The following SHANK2 variants were observed in gnomAD, a reference collection of about 807,000 sequenced individuals.
SHANK2 encodes SH3 and multiple ankyrin repeat domains protein 2.
A neutral mutation model predicts 133.7 loss-of-function variants in SHANK2; 43 were observed. The ratio of observed to expected loss-of-function variants is 0.32; its 90% CI spans 0.25 to 0.41. The LOEUF (loss-of-function observed/expected upper bound fraction) is 0.41. Ranked by LOEUF, SHANK2 falls within the 10% of genes least tolerant of loss-of-function variation. The pLI, the probability that SHANK2 is intolerant of heterozygous loss-of-function variation, is 1.00. For synonymous variants in SHANK2, 1,017 were observed against 952.8 expected, an observed-to-expected ratio of 1.07 and a Z score of -1.24; for missense variants, 1,994 against 2,235.8, an observed-to-expected ratio of 0.89 and a Z score of 2.18.
chr11:71,202,452 T>C (rs1555117286), intron 2 of SHANK2, among the ~76,000 whole-genome samples: 2 of 152,094 alleles, frequency 1.3e-5, no homozygotes, highest in Non-Finnish European at 2.9e-5. Context: ...GTCAGAGAGG[T>C]GAGGGTACTC....
intron 11 of SHANK2, among the ~76,000 whole-genome samples, chr11:70,855,633 G>A (rs149407356): frequency 2.4e-4 from 36 of 152,206 alleles, no homozygotes; most frequent in Non-Finnish European, 4.4e-4. Context: ...AAGAGGTAAC[G>A]CTAAACCAGC....
intron 6 of SHANK2, among the ~76,000 whole-genome samples, chr11:71,106,709 T>C (rs1951806801): frequency 6.6e-6 from 1 of 151,810 alleles, no homozygotes; most frequent in South Asian, 2.1e-4. Flanking sequence ...GTCCCAGCTA[T>C]TCAAGAGGCT....
chr11:71,113,403 A>G (rs957019248), intron 4 of SHANK2, 39 bp from the exon 5 acceptor site: 4 of 1,532,050 alleles, frequency 2.6e-6, no homozygotes, highest in African/African-American at 1.4e-5. Flanking sequence ...AAACAAGTCA[A>G]TACTTCTCAG....
intron 14 of SHANK2, among the ~76,000 whole-genome samples, chr11:70,700,047 TTAC>T (rs1344665050): frequency 3.3e-5 from 5 of 152,176 alleles, no homozygotes; most frequent in Non-Finnish European, 5.9e-5. Flanking sequence ...CCCTGGACTC[TTAC>T]GTAAGCAAGA....
intron 15 of SHANK2, among the ~76,000 whole-genome samples, chr11:70,678,032 C>T (rs1591739300): frequency 6.6e-6 from 1 of 152,338 alleles, no homozygotes; most frequent in East Asian, 1.9e-4. Flanking sequence ...AAGACAACCC[C>T]TTGCACCAAT....
chr11:70,580,759 G>A (rs1288007025), intron 17 of SHANK2, among the ~76,000 whole-genome samples: 1 of 152,264 alleles, frequency 6.6e-6, no homozygotes, highest in Admixed American at 6.5e-5. Context: ...GGAACAGCGA[G>A]GCCAGCAGGC....
chr11:71,246,711 A>G (rs1310401016), intron 1 of SHANK2, among the ~76,000 whole-genome samples: 2 of 152,160 alleles, frequency 1.3e-5, no homozygotes, highest in African/African-American at 4.8e-5. Flanking sequence ...GCTCTTTTAC[A>G]TAAGAAAGGC....
At chr11:70,686,589 T>C (rs1486179382) in intron 15 of SHANK2, among the ~76,000 whole-genome samples, 1 of 152,162 alleles carries the variant, frequency 6.6e-6, no homozygotes, top group African/African-American at 2.4e-5. Flanking sequence ...CTGTGCCAGA[T>C]GCCAGGGAGA....
chr11:70,939,560 G>T (rs1258916618), intron 10 of SHANK2, among the ~76,000 whole-genome samples: 1 of 152,108 alleles, frequency 6.6e-6, no homozygotes, highest in African/African-American at 2.4e-5. Context: ...CATGTCTGGG[G>T]CAGCCTGCTC....
chr11:71,080,912 G>A (rs1355554703), intron 8 of SHANK2, among the ~76,000 whole-genome samples: 1 of 152,208 alleles, frequency 6.6e-6, no homozygotes, highest in Non-Finnish European at 1.5e-5. Flanking sequence ...CAGCGGACGG[G>A]CTGTGATGCA....
intron 17 of SHANK2, among the ~76,000 whole-genome samples, chr11:70,574,384 C>A (rs2060089803): frequency 2.0e-5 from 3 of 152,232 alleles, no homozygotes; most frequent in Admixed American, 2.0e-4. Context: ...GGGTGGGGGT[C>A]TTTGGAGGCA....
At position 70,657,913 on chromosome 11, in the gene SHANK2, C is replaced by T. The variant is rs548714292; in HGVS notation, c.2061+1915G>A. On this transcript the variant is annotated intron_variant, in intron 17 of 25. Transcript: ENST00000601538. ...CCCACCCAGGTGAGCGCTGCAGCCA[C>T]AGACAGCTACATCTTCTAACCCACT... is the stretch of plus-strand genomic sequence containing the variant. Among the ~76,000 whole-genome samples, 7 of 152,306 alleles carry T rather than the reference C, an allele frequency of 4.6e-5. No homozygotes were observed. In the East Asian group the frequency reaches 1.2e-3, roughly 25 times the overall value.
chr11:70,738,881 G>A (rs1946463953), intron 14 of SHANK2, among the ~76,000 whole-genome samples: 1 of 152,324 alleles, frequency 6.6e-6, no homozygotes, highest in South Asian at 2.1e-4. Flanking sequence ...CCAGGCCCCA[G>A]AGGGTTCTGC....
chr11:70,494,947 C>T (rs1408640541), intron 21 of SHANK2, among the ~76,000 whole-genome samples: 2 of 152,202 alleles, frequency 1.3e-5, no homozygotes, highest in Non-Finnish European at 2.9e-5. Flanking sequence ...GCTGGCTCTT[C>T]GATGAGCCTG....
At chr11:70,816,015 C>T (rs782135406) in intron 12 of SHANK2, among the ~76,000 whole-genome samples, 7 of 152,206 alleles carry the variant, frequency 4.6e-5, no homozygotes, top group Non-Finnish European at 8.8e-5. Flanking sequence ...CCTCTGCCAC[C>T]GGGACAATAA....
chr11:70,584,663 T>C lies in SHANK2; in HGVS notation c.2061+75165A>G, dbSNP rs61143180. 1.8e-3 allele frequency among the ~76,000 whole-genome samples: 274 copies of C among 152,282 alleles called. 6 individuals carry two copies. In the East Asian group the frequency reaches 0.047, roughly 26 times the overall value. ...TGCAGAAATCATGGTAAAGCTCCTG[T>C]CCACATTTCCCCCCTCTCCCTCTGC... is the stretch of plus-strand genomic sequence containing the variant. On this transcript the variant is annotated intron_variant, in intron 17 of 25. Coordinates refer to ENST00000601538, the MANE Select transcript of SHANK2 (RefSeq NM_012309.5).
intron 17 of SHANK2, among the ~76,000 whole-genome samples, chr11:70,646,820 T>TTTTATTTATTTATTTTATTTA (rs142747571): frequency 1.4e-5 from 2 of 140,042 alleles, no homozygotes; most frequent in South Asian, 4.4e-4. Context: ...GGAATCTAAC[T>TTTTATTTATTTATTTTATTTA]TTTATTTATT....
Position 70,485,212 on chromosome 11 carries a change from T to C in SHANK2, c.4979+102A>G. On this transcript the variant is annotated intron_variant, in intron 25 of 25. Transcript: ENST00000601538. This position sits in a 1 kb window ranked among gnomAD's most constrained non-coding sequence, Gnocchi z 5.8. ...CGTGGCCCACACAGGCTTTACGAAT[T>C]CCCCTCTTCGTGTCCGCTGGGGCTG... The C allele has an allele frequency of 1.0e-6, 1 of 983,926 alleles. No homozygotes were observed. Among genetic ancestry groups the C allele is most frequent in the Non-Finnish European group, 1.6e-6 (1 of 624,104 alleles). The allele number at this position is 983,926 out of a possible 1,614,324, so 60.9% of individuals were successfully genotyped here. A position where few individuals can be genotyped will look rare whatever the true frequency, so the allele number is the denominator to read the frequency against.
chr11:71,155,376 CA>C (rs2135443653), intron 2 of SHANK2, among the ~76,000 whole-genome samples: 1 of 137,510 alleles, frequency 7.3e-6, no homozygotes, highest in Non-Finnish European at 1.6e-5. Flanking sequence ...CCCACGCTCC[CA>C]GAGGGGTGGA....
Sources: allele counts gnomAD v4.1 joint callset (sites outside exome capture counted in the v4.1 genomes callset), GRCh38; gene constraint gnomAD v4.1.1; non-coding constraint Gnocchi (gnomAD v3.1); transcripts MANE v1.5; gene names NCBI Gene and HGNC (gene_info 2026-07-23, HGNC 2026-07-21).